AXIN1: variants seen among roughly 807,000 people sequenced by gnomAD.
AXIN1 encodes axin 1, also known as axin-1.
A neutral mutation model predicts 76.4 loss-of-function variants in AXIN1; 30 were observed. The observed-to-expected ratio is 0.39, with a 90% confidence interval of 0.29 to 0.53. The LOEUF (loss-of-function observed/expected upper bound fraction) is 0.53. Among genes scored for constraint, AXIN1 ranks in the 20% least tolerant of loss-of-function variants. The probability of loss-of-function intolerance (pLI) is 0.66; values close to 1 mark genes in which losing one functional copy is unlikely to be tolerated. For missense variants in AXIN1, 1,140 were observed against 1,198.8 expected (o/e 0.95, Z 0.72); for synonymous variants, 545 against 501.4 (o/e 1.09, Z -1.16).
At chr16:326,151 A>C (rs1363958552) in intron 2 of AXIN1, among the ~76,000 whole-genome samples, 1 of 150,784 alleles carries the variant, frequency 6.6e-6, no homozygotes, top group Non-Finnish European at 1.5e-5. Context: ...TCAGGAGTTC[A>C]AGACCAGCCT....
At chr16:309,792 G>A (rs2053126024) in intron 4 of AXIN1, among the ~76,000 whole-genome samples, 181 bp downstream of exon 4, 12 of 152,250 alleles carry the variant, frequency 7.9e-5, no homozygotes, top group Admixed American at 7.8e-4. Context: ...CCTGAGACTT[G>A]ATGTCCCCTG....
At position 298,135 on chromosome 16, in the gene AXIN1, G is replaced by A. The variant is rs760417274; in HGVS notation, c.1371C>T (p.Ala457=). 7 of 1,544,196 alleles carry A rather than the reference G, an allele frequency of 4.5e-6. No individual in the cohort carries two copies. The highest frequency in any genetic ancestry group is 3.5e-6 in the Non-Finnish European group (4 of 1,147,910). The change falls in exon 6 of 11, where the codon GCC becomes GCT. Residue 457 remains alanine (A), a synonymous_variant. Transcript: ENST00000262320. ...TCTCCTCGTGTGCATCCCGGAGCCC[G>A]GCACAGCCCATGTCCACACAGCGGG... ...FPPRCVDMGC[A]GLRDAHEENP...
chr16:346,430 G>A lies in AXIN1; in HGVS notation c.596C>T (p.Pro199Leu), dbSNP rs2054036037. ...ATAAATATCAGACTTAAGGAAGGAG[G>A]GATAGGTGTTTTCCTCCATAGTGGC... Reference protein sequence around the residue: ...IQATMEENTYPSFLKSDIYLE... With the variant: ...IQATMEENTYLSFLKSDIYLE... Residue 199 changes from proline to leucine, a missense_variant, in exon 2 of 11, where the codon CCC (proline) becomes CTC (leucine). By Grantham distance (98) the Pro-to-Leu change is moderately conservative. Around this residue, in one of 3 missense-constraint regions of AXIN1, gnomAD observed 708 missense variants for 776.9 expected, o/e 0.91. Transcript: ENST00000262320. 1 of 1,614,076 alleles carries A rather than the reference G, an allele frequency of 6.2e-7. No individual in the cohort carries two copies. The highest frequency in any genetic ancestry group is 1.1e-5 in the South Asian group (1 of 91,090).
At chr16:288,807 G>A (rs563525293) in intron 10 of AXIN1, among the ~76,000 whole-genome samples, 1 of 152,370 alleles carries the variant, frequency 6.6e-6, no homozygotes, top group East Asian at 1.9e-4. Context: ...GTAGGAGGGG[G>A]CTTGGCTTTT....
At chr16:339,581 T>C (rs1445748603) in intron 2 of AXIN1, among the ~76,000 whole-genome samples, 2 of 142,684 alleles carry the variant, frequency 1.4e-5, no homozygotes, top group Non-Finnish European at 3.0e-5. Flanking sequence ...ACTGGGGAGG[T>C]TGGGGCAGGA....
At position 346,735 on chromosome 16, in the gene AXIN1, A is replaced by G; in HGVS notation, c.291T>C (p.Asp97=). ...GGAAAGTCCTGAACAGGCTTATCCC[A>G]TCTTGGTCATCCAGCAGGGAATGCA... ...ESLHSLLDDQ[D]GISLFRTFLK... is the part of the protein sequence containing the mutation. Residue 97 remains aspartate, a synonymous_variant, in exon 2 of 11, where the codon GAT becomes GAC. Transcript: ENST00000262320. 1 of 1,596,884 alleles carries G rather than the reference A, an allele frequency of 6.3e-7. No homozygotes were observed. The highest frequency in any genetic ancestry group is 1.3e-5 in the African/African-American group (1 of 74,702).
intron 7 of AXIN1, among the ~76,000 whole-genome samples, chr16:296,125 G>A (rs553002027): frequency 4.6e-5 from 7 of 152,356 alleles, no homozygotes; most frequent in African/African-American, 9.6e-5. Context: ...GCAAGGTGCT[G>A]TGCACCCCTG....
chr16:289,326 A>T, intron 10 of AXIN1, 114 bp downstream of exon 10: 1 of 1,415,794 alleles, frequency 7.1e-7, no homozygotes, highest in East Asian at 2.3e-5. Flanking sequence ...TCAGCCTCCC[A>T]AAGTGCCAGG....
intron 2 of AXIN1, among the ~76,000 whole-genome samples, chr16:320,879 C>A (rs566805300): frequency 2.0e-5 from 3 of 151,620 alleles, no homozygotes; most frequent in South Asian, 2.1e-4. Context: ...AGCTGGGACT[C>A]CAGGCACACG....
intron 2 of AXIN1, among the ~76,000 whole-genome samples, chr16:335,450 G>C (rs1226006120): frequency 6.6e-6 from 1 of 151,702 alleles, no homozygotes; most frequent in Non-Finnish European, 1.5e-5. Context: ...TAATTACACA[G>C]CACCCAGTAC....
rs765875448 is a variant in AXIN1 at position 314,665 on chromosome 16, C to G, written c.897G>C (p.Glu299Asp). Residue 299 changes from glutamate (E) to aspartate (D), a missense_variant, in exon 3 of 11, where the codon GAG becomes GAC. Transcript: ENST00000262320. ...CATTGACATAATAGGGGTTGACTGG[C>G]TCCCGCCAGGATCCATACCTGCAAA... is the stretch of plus-strand genomic sequence containing the variant. ...GREFRYGSWR[E>D]PVNPYYVNAG... The G allele has an allele frequency of 6.2e-7, 1 of 1,613,814 alleles. No individual in the cohort carries two copies. Among genetic ancestry groups the G allele is most frequent in the Admixed American group, 1.7e-5 (1 of 60,026 alleles).
At chr16:309,791 T>C (rs960923054) in intron 4 of AXIN1, among the ~76,000 whole-genome samples, 182 bp downstream of exon 4, 2 of 152,212 alleles carry the variant, frequency 1.3e-5, no homozygotes, top group Non-Finnish European at 2.9e-5. Flanking sequence ...GCCTGAGACT[T>C]GATGTCCCCT....
intron 2 of AXIN1, among the ~76,000 whole-genome samples, chr16:331,807 G>C (rs1474798857): frequency 1.3e-5 from 2 of 152,182 alleles, no homozygotes; most frequent in Non-Finnish European, 2.9e-5. Flanking sequence ...GCCTGACACT[G>C]CATGAGGGGC....
At chr16:344,580 C>T (rs2053997864) in intron 2 of AXIN1, among the ~76,000 whole-genome samples, 1 of 151,664 alleles carries the variant, frequency 6.6e-6, no homozygotes, top group Non-Finnish European at 1.5e-5. Context: ...CCTCTGCCTC[C>T]CAGGTTCAAG....
intron 7 of AXIN1, among the ~76,000 whole-genome samples, chr16:294,745 A>G (rs2052661594): frequency 1.6e-5 from 2 of 126,664 alleles, no homozygotes; most frequent in East Asian, 2.3e-4. Context: ...ACAGGAGCGA[A>G]ACCCCATCTC....
intron 5 of AXIN1, among the ~76,000 whole-genome samples, 162 bp downstream of exon 5, chr16:304,142 C>T (rs559641914): frequency 3.3e-5 from 5 of 152,304 alleles, no homozygotes; most frequent in East Asian, 1.9e-4. Flanking sequence ...AGCTGGGGCT[C>T]GGCTGCAGAG....
chr16:302,355 A>G (rs1346501933), intron 5 of AXIN1, among the ~76,000 whole-genome samples: 1 of 152,262 alleles, frequency 6.6e-6, no homozygotes, highest in East Asian at 1.9e-4. Flanking sequence ...CCCTCAGACC[A>G]ACGGCCAGGG....
At chr16:312,963 C>T (rs1161734205) in intron 3 of AXIN1, among the ~76,000 whole-genome samples, 1 of 152,200 alleles carries the variant, frequency 6.6e-6, no homozygotes, top group Non-Finnish European at 1.5e-5. Flanking sequence ...GAAGTGGGTG[C>T]AGTTTGCGCC....
Position 346,885 on chromosome 16 carries a change from C to G in AXIN1, c.141G>C (p.Gly47=), listed in dbSNP as rs2141708391. Residue 47 remains glycine, a synonymous_variant, in exon 2 of 11, where the codon GGG becomes GGC. Transcript: ENST00000262320. The stretch of plus-strand genomic sequence containing the variant: ...TCTCACCTTTAATGCCAACACCTTT[C>G]CCGGAGCAGAAACTGTAGCTGGCGG... The part of the protein sequence containing the change: ...PRPASYSFCS[G]KGVGIKGETS... 1 of 1,613,786 alleles carries G rather than the reference C, an allele frequency of 6.2e-7. No homozygotes were observed.
Sources: allele counts gnomAD v4.1 joint callset (sites outside exome capture counted in the v4.1 genomes callset), GRCh38; gene constraint gnomAD v4.1.1; regional missense constraint gnomAD v4.1.1; transcripts MANE v1.5; gene names NCBI Gene and HGNC (gene_info 2026-07-23, HGNC 2026-07-21).